The following PVT1 variants were observed in gnomAD, a reference collection of about 807,000 sequenced individuals.
The protein encoded by PVT1 is CXCR4/PVT1 fusion.
At chr8:127,959,762 A>G (rs1233311557) in intron 3 of PVT1, among the ~76,000 whole-genome samples, 1 of 152,146 alleles carries the variant, frequency 6.6e-6, no homozygotes, top group African/African-American at 2.4e-5. Flanking sequence ...GAGGCTGAGA[A>G]CAAACCGGTT....
chr8:128,098,452 C>T (rs1476971315), intron 6 of PVT1, among the ~76,000 whole-genome samples: 2 of 152,162 alleles, frequency 1.3e-5, no homozygotes, highest in African/African-American at 2.4e-5. Context: ...CCCTCCCCAC[C>T]CCACCATCAG....
intron 2 of PVT1, among the ~76,000 whole-genome samples, chr8:127,798,110 C>T (rs1203725893): frequency 1.3e-5 from 2 of 151,942 alleles, no homozygotes; most frequent in African/African-American, 2.4e-5. Context: ...CGAGACCAGC[C>T]TGGCCAACAT....
rs373634515 is a variant in PVT1, at chr8:128,055,526, A to G, written n.913-14634A>G. On this transcript the variant is annotated intron_variant and non_coding_transcript_variant, in intron 4 of 10. Transcript: ENST00000651587. ...TAATGCTGCTTATTCTAAAATTTAT[A>G]CTTTACTGCAAGCCATGTAGCTGCA... Among the ~76,000 whole-genome samples, 3 of 152,240 alleles carry G rather than the reference A, an allele frequency of 2.0e-5. No homozygotes were observed. The South Asian group carries it at 6.2e-4, about 32-fold the overall frequency.
intron 4 of PVT1, among the ~76,000 whole-genome samples, chr8:128,001,537 C>T (rs183769040): frequency 8.0e-4 from 122 of 152,184 alleles, no homozygotes; most frequent in Middle Eastern, 3.4e-3. Context: ...TCGCCATTGG[C>T]CCCCACCAGA....
chr8:127,880,803 G>A (rs909445777), intron 2 of PVT1, among the ~76,000 whole-genome samples: 1 of 152,074 alleles, frequency 6.6e-6, no homozygotes, highest in African/African-American at 2.4e-5. Context: ...GTTTTGCCAT[G>A]CTGGCCAGGC....
At chr8:127,879,337 T>C (rs1815438994) in intron 2 of PVT1, among the ~76,000 whole-genome samples, 2 of 152,292 alleles carry the variant, frequency 1.3e-5, no homozygotes, top group South Asian at 4.1e-4. Flanking sequence ...GAGGCCAGCT[T>C]TGCCAACATG....
chr8:128,098,227 C>A (rs940234395), intron 6 of PVT1, among the ~76,000 whole-genome samples: 2 of 152,154 alleles, frequency 1.3e-5, no homozygotes, highest in African/African-American at 4.8e-5. Flanking sequence ...CTGGCTGACC[C>A]TCTCTCATCC....
At chr8:128,026,002 A>G (rs1249558823) in intron 4 of PVT1, among the ~76,000 whole-genome samples, 1 of 150,794 alleles carries the variant, frequency 6.6e-6, no homozygotes, top group East Asian at 2.0e-4. Context: ...TCCAGGCCGG[A>G]GTGCAATGTT....
chr8:128,030,150 C>A (rs56360596), intron 4 of PVT1, among the ~76,000 whole-genome samples: 11,879 of 152,080 alleles, frequency 0.078, 618 homozygotes, highest in Middle Eastern at 0.15. Flanking sequence ...TTTATCCTAC[C>A]AACGTATATA....
chr8:127,878,459 A>G (rs1815429833), intron 2 of PVT1, among the ~76,000 whole-genome samples: 1 of 152,208 alleles, frequency 6.6e-6, no homozygotes, highest in Admixed American at 6.5e-5. Flanking sequence ...GCAGATTTGG[A>G]AGCCTCAGAG....
intron 3 of PVT1, among the ~76,000 whole-genome samples, chr8:127,961,500 T>A (rs1313519614): frequency 2.6e-5 from 4 of 152,194 alleles, no homozygotes; most frequent in African/African-American, 9.6e-5. Context: ...TTGTTTGGGC[T>A]GGAGTCTGGA....
rs1814357349 is a variant in PVT1 at position 128,091,783 on chromosome 8, T to C, written n.1115-4735T>C. Among the ~76,000 whole-genome samples the C allele has an allele frequency of 2.0e-5, 3 of 152,288 alleles. No homozygotes were observed. The South Asian group carries it at 6.2e-4, about 32-fold the overall frequency. On this transcript the variant is annotated intron_variant and non_coding_transcript_variant, in intron 5 of 10. Transcript: ENST00000651587. The stretch of plus-strand genomic sequence containing the variant: ...AATTTTTGTAAAGTTGTGAGGATGG[T>C]AAAAGCTTAGCCCAGTGCCTGGCAC...
At chr8:127,888,514 A>T (rs1815554613) in intron 2 of PVT1, among the ~76,000 whole-genome samples, 1 of 152,232 alleles carries the variant, frequency 6.6e-6, no homozygotes, top group Non-Finnish European at 1.5e-5. Context: ...GTCAAAAGGG[A>T]CTTTGCAGAT....
At position 127,969,592 on chromosome 8, in the gene PVT1, G is replaced by A. The variant is rs947530626; in HGVS notation, n.783-19570G>A. Among the ~76,000 whole-genome samples the A allele has an allele frequency of 2.0e-5, 3 of 152,072 alleles. No individual in the cohort carries two copies. In the East Asian group the frequency reaches 5.8e-4, roughly 29 times the overall value. ...TTTCCTGTGAGTCAGCATTGTGCTG[G>A]GCTTCCAAGGAATCTGCAGTCCTCT... is the stretch of plus-strand genomic sequence containing the variant. On this transcript the variant is annotated intron_variant and non_coding_transcript_variant, in intron 3 of 10. Coordinates refer to ENST00000651587, the Ensembl canonical transcript of PVT1.
At chr8:127,901,150 G>A (rs1451191747) in intron 3 of PVT1, among the ~76,000 whole-genome samples, 1 of 152,242 alleles carries the variant, frequency 6.6e-6, no homozygotes, top group African/African-American at 2.4e-5. Context: ...TGGATATCAT[G>A]AGGCTGGACA....
intron 3 of PVT1, among the ~76,000 whole-genome samples, chr8:127,961,178 C>CA (rs1563651063): frequency 1.3e-5 from 2 of 152,016 alleles, no homozygotes; most frequent in African/African-American, 4.8e-5. Context: ...GTGCTGAGGG[C>CA]GATGGTCTCA....
intron 4 of PVT1, among the ~76,000 whole-genome samples, chr8:128,060,438 G>T (rs1434572677): frequency 6.6e-6 from 1 of 152,176 alleles, no homozygotes; most frequent in African/African-American, 2.4e-5. Flanking sequence ...ACTAAATGTG[G>T]TTTTGTACTT....
chr8:128,038,069 A>G (rs1304641777), intron 4 of PVT1, among the ~76,000 whole-genome samples: 1 of 152,210 alleles, frequency 6.6e-6, no homozygotes, highest in Non-Finnish European at 1.5e-5. Context: ...CCAGTATCGA[A>G]CAAAGAAGCT....
chr8:128,042,778 A>ATTTTATTTTG (rs1236969068), intron 4 of PVT1, among the ~76,000 whole-genome samples: 15 of 151,252 alleles, frequency 9.9e-5, no homozygotes, highest in African/African-American at 2.4e-5. Context: ...ATTTTATTTT[A>ATTTTATTTTG]TTTTAAGAGA....
Sources: gnomAD v4.1 joint callset for allele counts (sites outside exome capture counted in the v4.1 genomes callset) on GRCh38, gnomAD v4.1.1 for gene constraint, MANE v1.5 for transcripts, NCBI Gene and HGNC (gene_info 2026-07-23, HGNC 2026-07-21) for gene names.